Variants in AMOT observed in about 807,000 individuals in gnomAD.
AMOT encodes the protein angiomotin.
AMOT carries 11 observed loss-of-function variants against 67.0 expected under a neutral mutation model. That is an observed-to-expected ratio of 0.16 (90% CI 0.10 to 0.27). The LOEUF is 0.27. AMOT is among the 10% of genes least tolerant of loss of function. The probability of loss-of-function intolerance (pLI) is 1.00; values close to 1 mark genes in which losing one functional copy is unlikely to be tolerated. For synonymous variants in AMOT, 326 were observed against 321.4 expected, an observed-to-expected ratio of 1.01 and a Z score of -0.15; for missense variants, 753 against 852.0, an observed-to-expected ratio of 0.88 and a Z score of 1.45.
chrX:112,839,277 T>C (rs2147840609), intron 1 of AMOT, among the ~76,000 whole-genome samples: 2 of 112,079 alleles, frequency 1.8e-5, no homozygotes, highest in South Asian at 7.5e-4. Context: ...AAATGGCATT[T>C]CAAACTATTC....
chrX:112,805,889 C>T (rs896562276), intron 7 of AMOT, among the ~76,000 whole-genome samples: 3 of 112,074 alleles, frequency 2.7e-5, no homozygotes, highest in Admixed American at 1.9e-4. Flanking sequence ...GCCATTTCAC[C>T]TGAAGAAAAC....
In AMOT at chrX:112,779,614, G is replaced by A. The variant is rs933088576; in HGVS notation, c.2540C>T (p.Ser847Leu). Residue 847 changes from serine to leucine, a missense_variant, in exon 13 of 14, where the codon TCG (serine) becomes TTG (leucine). Coordinates refer to ENST00000371959, the MANE Select transcript of AMOT (RefSeq NM_001113490.2). ...VPSTPSPVPPSTPLLSAHSKT... is the reference protein window; with the variant it reads ...VPSTPSPVPPLTPLLSAHSKT... Reference sequence around the variant, plus strand: ...GGAGTGAGCCGAGAGCAGGGGAGTCGAGGGTGGCACAGGCGAGGGTGTGGA... The same window carrying A: ...GGAGTGAGCCGAGAGCAGGGGAGTCAAGGGTGGCACAGGCGAGGGTGTGGA... 4 of 1,211,119 alleles carry A rather than the reference G, an allele frequency of 3.3e-6. No homozygotes were observed. The highest frequency in any genetic ancestry group is 3.5e-5 in the South Asian group (2 of 56,938).
chrX:112,800,155 C>T (rs185721727), intron 8 of AMOT, among the ~76,000 whole-genome samples: 202 of 110,717 alleles, frequency 1.8e-3, no homozygotes, highest in African/African-American at 6.4e-3. Flanking sequence ...AGCTTGAACC[C>T]GGGAGGCAGA....
chrX:112,815,958 G>A, intron 4 of AMOT, 81 bp from the exon 5 acceptor site: 1 of 1,111,607 alleles, frequency 9.0e-7, no homozygotes, highest in South Asian at 2.2e-5. Flanking sequence ...GTGAGATGAG[G>A]AGGCTTCTGA....
At chrX:112,795,712 A>G (rs934202084) in intron 8 of AMOT, among the ~76,000 whole-genome samples, 1 of 111,130 alleles carries the variant, frequency 9.0e-6, no homozygotes, top group African/African-American at 3.3e-5. Context: ...AGGGGCCACT[A>G]TGGTGGGTGG....
intron 1 of AMOT, among the ~76,000 whole-genome samples, chrX:112,839,903 T>C (rs1340205387): frequency 9.0e-6 from 1 of 110,942 alleles, no homozygotes; most frequent in Non-Finnish European, 1.9e-5. Flanking sequence ...ACCACCACTA[T>C]CACTACCACC....
At position 112,781,028 on chromosome X, in the gene AMOT, C is replaced by T. The variant is rs1411505746; in HGVS notation, c.2331G>A (p.Glu777=). 8.3e-7 allele frequency: 1 copy of T among 1,210,508 alleles called. No individual in the cohort carries two copies. The highest frequency in any genetic ancestry group is 1.1e-6 in the Non-Finnish European group (1 of 895,397). ...TCGCTGGCCGCATGCACGACAGCTG[C>T]TCTGTCTTGCTCGGCTCCTTCCGGG... The part of the protein sequence containing the change: ...QRSRKEPSKT[E]QLSCMRPAKS... The change falls in exon 12 of 14, where the codon GAG becomes GAA. Residue 777 remains glutamate, a synonymous_variant. Transcript: ENST00000371959.
intron 1 of AMOT, among the ~76,000 whole-genome samples, chrX:112,834,218 G>C (rs1216325628): frequency 1.8e-5 from 2 of 111,574 alleles, no homozygotes; most frequent in Non-Finnish European, 3.8e-5. Flanking sequence ...TCAATTATGT[G>C]GTTTCTCTGC....
rs59258280 is a variant in AMOT at position 112,784,608 on chromosome X, G to A, written c.2118-1946C>T. Among the ~76,000 whole-genome samples the A allele has an allele frequency of 1.9e-3, 215 of 111,870 alleles. 2 individuals are homozygous for A. Among genetic ancestry groups the A allele is most frequent in the African/African-American group, 6.3e-3 (195 of 30,789 alleles). On this transcript the variant is annotated intron_variant, in intron 10 of 13. Coordinates refer to ENST00000371959, the MANE Select transcript of AMOT (RefSeq NM_001113490.2). ...GTCTCTCAAAGAAAAAGAGAAGGAG[G>A]GAAAGAGAGAGGTGGAGGAGAGCGA...
At chrX:112,804,898 T>TTCCCCCCCCCC in intron 8 of AMOT, 49 bp downstream of exon 8, 7 of 837,575 alleles carry the variant, frequency 8.4e-6, no homozygotes, top group East Asian at 3.8e-5. Flanking sequence ...GTCCCCGATT[T>TTCCCCCCCCCC]CCCAGCCCTC....
At chrX:112,805,197 A>G in intron 7 of AMOT, 105 bp from the exon 8 acceptor site, 1 of 956,750 alleles carries the variant, frequency 1.0e-6, no homozygotes. Context: ...CTACTGCTCT[A>G]GTGCACAGCT....
chrX:112,831,381 T>C (rs189277104), intron 2 of AMOT, among the ~76,000 whole-genome samples: 42 of 109,512 alleles, frequency 3.8e-4, no homozygotes, highest in African/African-American at 1.3e-3. Context: ...ACAGCAAATT[T>C]TCCATAAACT....
intron 10 of AMOT, 139 bp from the exon 11 acceptor site, chrX:112,782,801 A>G (rs1933238497): frequency 1.3e-6 from 1 of 797,646 alleles, no homozygotes. Flanking sequence ...TTTCTGGGGA[A>G]CTAACCCGTA....
At chrX:112,811,464 G>A in intron 5 of AMOT, 71 bp from the exon 6 acceptor site, 1 of 1,124,506 alleles carries the variant, frequency 8.9e-7, no homozygotes, top group Non-Finnish European at 1.2e-6. Context: ...AAAACAAACA[G>A]GCAAATCCTC....
intron 1 of AMOT, among the ~76,000 whole-genome samples, chrX:112,834,442 C>T (rs1364607674): frequency 5.4e-5 from 6 of 111,307 alleles, no homozygotes; most frequent in Non-Finnish European, 1.1e-4. Flanking sequence ...GATAGGGGGG[C>T]GGCACAGTTA....
At chrX:112,786,367 T>C (rs768439331) in intron 10 of AMOT, among the ~76,000 whole-genome samples, 2 of 112,325 alleles carry the variant, frequency 1.8e-5, no homozygotes, top group East Asian at 5.6e-4. Flanking sequence ...AAAAATTACA[T>C]AGTTGACTGG....
intron 1 of AMOT, among the ~76,000 whole-genome samples, chrX:112,833,745 A>G (rs1935062903): frequency 8.9e-6 from 1 of 112,446 alleles, no homozygotes; most frequent in South Asian, 3.6e-4. Context: ...CTAAAATGTG[A>G]TCATTGTATA....
intron 4 of AMOT, among the ~76,000 whole-genome samples, chrX:112,820,711 A>G (rs1265338436): frequency 2.7e-5 from 3 of 111,594 alleles, no homozygotes; most frequent in African/African-American, 9.8e-5. Context: ...AGCTTCATTG[A>G]TATTTTGCTG....
At chrX:112,819,243 G>A (rs1451657832) in intron 4 of AMOT, 16 of 437,264 alleles carry the variant, frequency 3.7e-5, no homozygotes, top group Non-Finnish European at 4.3e-5. Flanking sequence ...CCACACTCCT[G>A]GCACACACAT....
Sources: gnomAD v4.1 joint callset for allele counts (sites outside exome capture counted in the v4.1 genomes callset) on GRCh38, gnomAD v4.1.1 for gene constraint, MANE v1.5 for transcripts, NCBI Gene and HGNC (gene_info 2026-07-23, HGNC 2026-07-21) for gene names.